The following XDH variants were observed in gnomAD, a reference collection of about 807,000 sequenced individuals.
XDH encodes xanthine dehydrogenase.
In XDH, 138 loss-of-function variants were observed where a neutral mutation model predicts 156.1. That is an observed-to-expected ratio of 0.88 (90% CI 0.77 to 1.02). The LOEUF (loss-of-function observed/expected upper bound fraction) is 1.02, where lower values mean the gene tolerates loss of function less well. XDH is among the 50% of genes least tolerant of loss of function. The pLI is 0.00. For missense variants in XDH, 1,849 were observed against 1,684.9 expected (o/e 1.10, Z -1.71); for synonymous variants, 669 against 625.7 (o/e 1.07, Z -1.03).
At position 31,387,914 on chromosome 2, in the gene XDH, C is replaced by T. The variant is rs1207902172; in HGVS notation, c.565-17G>A. On this transcript the variant is annotated splice_polypyrimidine_tract_variant and intron_variant, in intron 7 of 35. Transcript: ENST00000379416. The stretch of plus-strand genomic sequence containing the variant: ...GAGGCTGACCTATGGGGAAAGAGAA[C>T]AGGTAGGTGATGCAGTATCTCCTCC... 15 of 1,566,192 alleles carry T rather than the reference C, an allele frequency of 9.6e-6. No individual in the cohort carries two copies. The highest frequency in any genetic ancestry group is 1.7e-4 in the Middle Eastern group (1 of 5,998).
At chr2:31,363,373 C>T (rs1685827568) in intron 24 of XDH, among the ~76,000 whole-genome samples, 3 of 152,054 alleles carry the variant, frequency 2.0e-5, no homozygotes, top group Non-Finnish European at 4.4e-5. Context: ...GAGAAAGACA[C>T]CAAACAGAAA....
chr2:31,403,269 A>T, intron 2 of XDH, 125 bp from the exon 3 acceptor site: 1 of 1,043,700 alleles, frequency 9.6e-7, no homozygotes, highest in Non-Finnish European at 1.4e-6. Context: ...CCCTCAACCA[A>T]GGAAGGCAGC....
chr2:31,363,062 A>T (rs1406851408), intron 24 of XDH, among the ~76,000 whole-genome samples: 1 of 152,244 alleles, frequency 6.6e-6, no homozygotes, highest in Non-Finnish European at 1.5e-5. Flanking sequence ...CTGTAATCCC[A>T]GCACTTTGGG....
In XDH at chr2:31,337,759, G is replaced by C; in HGVS notation, c.3833C>G (p.Ala1278Gly). The C allele has an allele frequency of 2.5e-6, 4 of 1,614,228 alleles. No individual in the cohort carries two copies. Among genetic ancestry groups the C allele is most frequent in the Non-Finnish European group, 3.4e-6 (4 of 1,180,038 alleles). Residue 1278 changes from alanine (A) to glycine (G), a missense_variant, in exon 35 of 36, where the codon GCC (alanine) becomes GGC (glycine). Coordinates refer to ENST00000379416, the MANE Select transcript of XDH (RefSeq NM_000379.4). ...GTGCTGAGCTCGAGCTGCACGGATG[G>C]CATCTTTGATGGCAAAGAAGATAGA... Reference protein sequence around the residue: ...AASIFFAIKDAIRAARAQHTG... With the variant: ...AASIFFAIKDGIRAARAQHTG...
intron 1 of XDH, among the ~76,000 whole-genome samples, chr2:31,409,952 C>T (rs1383744673): frequency 1.3e-5 from 2 of 152,152 alleles, no homozygotes; most frequent in Admixed American, 1.3e-4. Context: ...TTCATGACAA[C>T]GTTATTCACA....
intron 13 of XDH, 132 bp downstream of exon 13, chr2:31,379,735 G>T: frequency 1.1e-6 from 1 of 939,288 alleles, no homozygotes. Context: ...GCAAAGTTCA[G>T]AGAGAAAAAT....
intron 33 of XDH, 70 bp from the exon 34 acceptor site, chr2:31,339,747 A>G (rs1685075041): frequency 6.3e-7 from 1 of 1,583,838 alleles, no homozygotes; most frequent in Non-Finnish European, 8.6e-7. Context: ...ACTTGCCACA[A>G]TGGACACAAA....
rs1685216955 is a variant in XDH, at chr2:31,344,124, T to C, written c.3404+560A>G. Among the ~76,000 whole-genome samples, 5 of 152,334 alleles carry C rather than the reference T, an allele frequency of 3.3e-5. No homozygotes were observed. The South Asian group carries it at 8.3e-4, about 25-fold the overall frequency. On this transcript the variant is annotated intron_variant, in intron 31 of 35. Transcript: ENST00000379416. Reference sequence around the variant, plus strand: ...GGTCTCTAGCTATTCACGCTGCTACTAAATTTAAAGTTGCAGAAGTCATAC... The same window carrying C: ...GGTCTCTAGCTATTCACGCTGCTACCAAATTTAAAGTTGCAGAAGTCATAC...
In XDH at chr2:31,349,713, C is replaced by A. The variant is rs745427490; in HGVS notation, c.2942G>T (p.Arg981Leu). 1.3e-5 allele frequency: 21 copies of A among 1,614,178 alleles called. No homozygotes were observed. In the South Asian group the frequency reaches 2.3e-4, roughly 18 times the overall value. ...ECLASSQYHA[R>L]KSEVDKFNKE... ...GTTGAACTTGTCAACCTCACTCTTC[C>A]GAGCATGATACTGAGAGCTTGCTAG... The change falls in exon 26 of 36, where the codon CGG (arginine) becomes CTG (leucine). Residue 981 changes from arginine (R) to leucine (L), a missense_variant. Coordinates refer to ENST00000379416, the MANE Select transcript of XDH (RefSeq NM_000379.4).
chr2:31,390,203 A>G (rs1463383889), intron 6 of XDH, among the ~76,000 whole-genome samples: 1 of 152,192 alleles, frequency 6.6e-6, no homozygotes, highest in Non-Finnish European at 1.5e-5. Context: ...ACTGGCAACC[A>G]CTAGTCTTTT....
chr2:31,375,152 C>T (rs1488556035), intron 15 of XDH, among the ~76,000 whole-genome samples: 13 of 151,394 alleles, frequency 8.6e-5, no homozygotes, highest in Non-Finnish European at 1.3e-4. Flanking sequence ...CAGCTTCCCA[C>T]GTAGCTGAGA....
intron 24 of XDH, 48 bp downstream of exon 24, chr2:31,364,110 A>C: frequency 6.3e-7 from 1 of 1,597,192 alleles, no homozygotes; most frequent in Non-Finnish European, 8.6e-7. Flanking sequence ...GAACAGGCTG[A>C]CCTCGAAGTC....
chr2:31,392,948 C>T (rs1028083081), intron 6 of XDH, among the ~76,000 whole-genome samples: 1 of 152,072 alleles, frequency 6.6e-6, no homozygotes, highest in Non-Finnish European at 1.5e-5. Context: ...AGCTATCTTT[C>T]TGTTATCGAT....
At chr2:31,359,466 C>A (rs1685716183) in intron 24 of XDH, among the ~76,000 whole-genome samples, 1 of 151,620 alleles carries the variant, frequency 6.6e-6, no homozygotes, top group African/African-American at 2.4e-5. Context: ...GTAACAGGTC[C>A]AAGGGCATAA....
intron 8 of XDH, among the ~76,000 whole-genome samples, chr2:31,387,411 G>T (rs1686640692): frequency 6.6e-6 from 1 of 152,196 alleles, no homozygotes; most frequent in Non-Finnish European, 1.5e-5. Flanking sequence ...GTTTTGTTTT[G>T]TTTTAAATAA....
chr2:31,373,872 C>T lies in XDH; in HGVS notation c.1686+1G>A, dbSNP rs148412639. The T allele has an allele frequency of 7.4e-6, 12 of 1,613,750 alleles. No individual in the cohort carries two copies. The South Asian group carries it at 1.2e-4, about 16-fold the overall frequency. ...ATTAGCCATACACTGACCGTACTCA[C>T]TTGGAAGAGCTGGACATCGGCTGGG... On this transcript the variant is annotated splice_donor_variant, in intron 16 of 35. Coordinates refer to ENST00000379416, the MANE Select transcript of XDH (RefSeq NM_000379.4). LOFTEE classifies it high-confidence loss of function.
chr2:31,344,658 C>T (rs773490421), intron 31 of XDH, 26 bp downstream of exon 31: 4 of 1,613,938 alleles, frequency 2.5e-6, no homozygotes, highest in East Asian at 2.2e-5. Flanking sequence ...ACACTATGAG[C>T]TGGGCAAGGA....
rs199838031 is a variant in XDH, at chr2:31,397,654, G to C, written c.495+14C>G. 1.3e-5 allele frequency: 21 copies of C among 1,613,988 alleles called. No homozygotes were observed. Among genetic ancestry groups the C allele is most frequent in the Non-Finnish European group, 1.8e-5 (21 of 1,179,996 alleles). On this transcript the variant is annotated intron_variant, in intron 6 of 35. Coordinates refer to ENST00000379416, the MANE Select transcript of XDH (RefSeq NM_000379.4). ...TAGAAGCAGAGACACTGATGTTCTG[G>C]GGTCCCCACTTACCCTGGCAAAGGT...
rs143539472 is a variant in XDH, at chr2:31,365,541, G to A, written c.2460C>T (p.Thr820=). ...CCAGCATGCATCGCACAGGGCGGCC[G>A]GTCCTGGGGGTTACCGACAGTGTTA... ...STAVALAAYK[T]GRPVRCMLDR... Residue 820 remains threonine, a synonymous_variant, in exon 23 of 36, where the codon ACC becomes ACT. Coordinates refer to ENST00000379416, the MANE Select transcript of XDH (RefSeq NM_000379.4). 95 of 1,614,010 alleles carry A rather than the reference G, an allele frequency of 5.9e-5. No homozygotes were observed. The highest frequency in any genetic ancestry group is 5.2e-4 in the African/African-American group (39 of 74,908).
Sources: allele counts gnomAD v4.1 joint callset (sites outside exome capture counted in the v4.1 genomes callset), GRCh38; gene constraint gnomAD v4.1.1; transcripts MANE v1.5; gene names NCBI Gene and HGNC (gene_info 2026-07-23, HGNC 2026-07-21).